The following AKAP6 variants were observed in gnomAD, a reference collection of about 807,000 sequenced individuals.
AKAP6 encodes A-kinase anchoring protein 6, also known as A-kinase anchor protein 6.
Under a neutral mutation model 188.5 loss-of-function variants are expected in AKAP6, and 58 were observed. That is an observed-to-expected ratio of 0.31 (90% CI 0.25 to 0.38). AKAP6 has a LOEUF of 0.38. Ranked by LOEUF, AKAP6 falls within the 10% of genes least tolerant of loss-of-function variation. The probability of loss-of-function intolerance (pLI) is 1.00; values close to 1 mark genes in which losing one functional copy is unlikely to be tolerated. For missense variants in AKAP6, 2,710 were observed against 2,740.0 expected (o/e 0.99, Z 0.24); for synonymous variants, 989 against 998.6 (o/e 0.99, Z 0.18).
intron 1 of AKAP6, among the ~76,000 whole-genome samples, chr14:32,409,067 G>T (rs567453496): frequency 8.5e-5 from 13 of 152,250 alleles, no homozygotes; most frequent in African/African-American, 3.1e-4. Flanking sequence ...AGGCATGGTG[G>T]CATACGCTTG....
chr14:32,528,082 A>AT (rs149310714), intron 2 of AKAP6, among the ~76,000 whole-genome samples: 25,586 of 152,126 alleles, frequency 0.17, 3,082 homozygotes, highest in African/African-American at 0.33. Context: ...ATGGTTTTGC[A>AT]TTTTACCCTT....
intron 1 of AKAP6, among the ~76,000 whole-genome samples, chr14:32,376,913 T>G (rs563644292): frequency 6.6e-6 from 1 of 152,304 alleles, no homozygotes; most frequent in Admixed American, 6.5e-5. Context: ...GCCAGGCTGG[T>G]CTTACTCCTG....
At chr14:32,544,080 T>A (rs1041928319) in intron 3 of AKAP6, among the ~76,000 whole-genome samples, 16 of 152,194 alleles carry the variant, frequency 1.1e-4, no homozygotes, top group African/African-American at 3.6e-4. Context: ...TAAAACCAGA[T>A]ATAAGATCCT....
At chr14:32,442,896 A>G (rs78783034) in intron 2 of AKAP6, among the ~76,000 whole-genome samples, 3,933 of 152,154 alleles carry the variant, frequency 0.026, 56 homozygotes, top group East Asian at 0.078. Context: ...TTTACATCTC[A>G]AAAGAGGGGA....
Position 32,519,367 on chromosome 14 carries a change from G to A in AKAP6, c.325-16187G>A, listed in dbSNP as rs1242241537. The stretch of plus-strand genomic sequence containing the variant: ...CAATATTAACCGTAAGTGTAAATGG[G>A]CTAAATGCTCCAATTAAAAGACACA... On this transcript the variant is annotated intron_variant, in intron 2 of 13. Transcript: ENST00000280979. Among the ~76,000 whole-genome samples the A allele has an allele frequency of 9.9e-5, 15 of 152,124 alleles. 1 individual carries two copies. Among genetic ancestry groups the A allele is most frequent in the Non-Finnish European group, 1.5e-5 (1 of 68,028 alleles).
chr14:32,505,936 A>G (rs989992894), intron 2 of AKAP6, among the ~76,000 whole-genome samples: 2 of 152,078 alleles, frequency 1.3e-5, no homozygotes, highest in African/African-American at 4.8e-5. Context: ...TTAAGGGTCA[A>G]GTGTTGGGTA....
At chr14:32,509,678 C>T (rs1372412628) in intron 2 of AKAP6, among the ~76,000 whole-genome samples, 1 of 152,080 alleles carries the variant, frequency 6.6e-6, no homozygotes, top group Admixed American at 6.5e-5. Context: ...CCAGGTCTTG[C>T]ACAAGATAGG....
At chr14:32,607,270 A>G (rs1457679669) in intron 7 of AKAP6, among the ~76,000 whole-genome samples, 3 of 152,160 alleles carry the variant, frequency 2.0e-5, no homozygotes, top group Admixed American at 2.0e-4. Context: ...CATGTTCCTT[A>G]ATATAAGATC....
chr14:32,360,520 A>G (rs1034798520), intron 1 of AKAP6, among the ~76,000 whole-genome samples: 3 of 151,948 alleles, frequency 2.0e-5, no homozygotes, highest in Admixed American at 6.6e-5. Flanking sequence ...GTGATTTTCT[A>G]TTTCCCTCAT....
At chr14:32,390,280 T>C (rs575296489) in intron 1 of AKAP6, among the ~76,000 whole-genome samples, 2 of 152,310 alleles carry the variant, frequency 1.3e-5, no homozygotes, top group African/African-American at 4.8e-5. Flanking sequence ...TTTCCTTACA[T>C]TGGGCTTCAC....
intron 1 of AKAP6, among the ~76,000 whole-genome samples, chr14:32,367,080 G>C (rs1163524753): frequency 1.3e-5 from 2 of 152,182 alleles, no homozygotes; most frequent in African/African-American, 4.8e-5. Flanking sequence ...TTCAGAAGTT[G>C]TTTTGGAAGC....
At chr14:32,472,487 T>C (rs1264724574) in intron 2 of AKAP6, among the ~76,000 whole-genome samples, 2 of 152,184 alleles carry the variant, frequency 1.3e-5, no homozygotes, top group African/African-American at 2.4e-5. Context: ...GAAAAGATCA[T>C]GGTCTTTAGC....
At chr14:32,431,593 A>T (rs1044711438) in intron 1 of AKAP6, among the ~76,000 whole-genome samples, 5 of 151,738 alleles carry the variant, frequency 3.3e-5, no homozygotes, top group African/African-American at 9.7e-5. Context: ...GCTCACTGCA[A>T]CCTCCCCCTC....
intron 7 of AKAP6, among the ~76,000 whole-genome samples, chr14:32,603,875 G>A (rs907161059): frequency 4.0e-5 from 6 of 151,878 alleles, no homozygotes; most frequent in African/African-American, 1.5e-4. Flanking sequence ...GAGTATCTTT[G>A]AATTTTCCAA....
chr14:32,521,915 A>G (rs1467358552), intron 2 of AKAP6, among the ~76,000 whole-genome samples: 1 of 152,244 alleles, frequency 6.6e-6, no homozygotes, highest in Non-Finnish European at 1.5e-5. Flanking sequence ...AGCTGGAGAC[A>G]TCATGCTACC....
At chr14:32,462,916 A>C (rs200730573) in intron 2 of AKAP6, among the ~76,000 whole-genome samples, 73 of 93,772 alleles carry the variant, frequency 7.8e-4, no homozygotes, top group African/African-American at 1.3e-3. Context: ...AAAAAAAAAA[A>C]AAAAAAAAAA....
At chr14:32,732,710 CT>C (rs1317822711) in intron 10 of AKAP6, 110 bp downstream of exon 10, 2 of 1,236,872 alleles carry the variant, frequency 1.6e-6, no homozygotes, top group East Asian at 4.7e-5. Context: ...TTTCAATTCA[CT>C]ACCTACGTTT....
chr14:32,384,147 C>G (rs1433251521), intron 1 of AKAP6, among the ~76,000 whole-genome samples: 1 of 152,186 alleles, frequency 6.6e-6, no homozygotes, highest in East Asian at 1.9e-4. Context: ...TATGATGGCG[C>G]AAAATCCCTT....
intron 1 of AKAP6, among the ~76,000 whole-genome samples, chr14:32,341,178 G>A (rs895014039): frequency 3.3e-5 from 5 of 152,072 alleles, no homozygotes; most frequent in African/African-American, 1.2e-4. Flanking sequence ...TTGCAAATTT[G>A]TGTTTCTATT....
Sources: gnomAD v4.1 joint callset for allele counts (sites outside exome capture counted in the v4.1 genomes callset) on GRCh38, gnomAD v4.1.1 for gene constraint, MANE v1.5 for transcripts, NCBI Gene and HGNC (gene_info 2026-07-23, HGNC 2026-07-21) for gene names.